RNF43: variants seen among roughly 807,000 people sequenced by gnomAD.
RNF43 encodes the protein ring finger protein 43.
In RNF43, 37 loss-of-function variants were observed where a neutral mutation model predicts 78.4. The ratio of observed to expected loss-of-function variants is 0.47; its 90% CI spans 0.36 to 0.62. RNF43 has a LOEUF of 0.62. RNF43 is among the 20% of genes least tolerant of loss of function. The pLI, the probability that RNF43 is intolerant of heterozygous loss-of-function variation, is 0.00. For synonymous variants in RNF43, 347 were observed against 395.0 expected (o/e 0.88, Z 1.44); for missense variants, 774 against 1,007.9 (o/e 0.77, Z 3.14).
chr17:58,395,820 C>A (rs1005146930), intron 2 of RNF43, among the ~76,000 whole-genome samples: 1 of 152,140 alleles, frequency 6.6e-6, no homozygotes, highest in Non-Finnish European at 1.5e-5. Context: ...AGCTGCCTCA[C>A]TATTAAGGAT....
chr17:58,403,648 T>C (rs866153756), intron 2 of RNF43, among the ~76,000 whole-genome samples: 1 of 152,194 alleles, frequency 6.6e-6, no homozygotes, highest in East Asian at 1.9e-4. Flanking sequence ...GAATACACAA[T>C]GCAGAAAGTC....
At chr17:58,410,194 T>C (rs1973999374) in intron 2 of RNF43, among the ~76,000 whole-genome samples, 1 of 152,214 alleles carries the variant, frequency 6.6e-6, no homozygotes, top group Non-Finnish European at 1.5e-5. Context: ...TATAAATCTG[T>C]TTGATGATAA....
chr17:58,387,582 C>G (rs917719399), intron 2 of RNF43, among the ~76,000 whole-genome samples: 6 of 151,918 alleles, frequency 3.9e-5, no homozygotes, highest in African/African-American at 1.2e-4. Flanking sequence ...ATCGCTTGAA[C>G]CTGGGAGGCA....
At chr17:58,353,368 CAG>C, downstream of RNF43, 1 of 204,152 alleles carries the variant, frequency 4.9e-6, no homozygotes, top group East Asian at 7.5e-5. Context: ...AAGCGAGGCA[CAG>C]AGTATTTGCC....
In RNF43 at chr17:58,354,693, C is replaced by G; in HGVS notation, c.*250G>C. ...AGCCCACACACGCCACAGGCAGCAG[C>G]TGGTTGCCTGGCTGGACATGGATTT... On this transcript the variant is annotated 3_prime_UTR_variant, in exon 10 of 10. Transcript: ENST00000407977. 1.8e-6 allele frequency: 1 copy of G among 544,254 alleles called. No individual in the cohort carries two copies. The highest frequency in any genetic ancestry group is 3.3e-6 in the Non-Finnish European group (1 of 298,878). 33.7% of individuals were successfully genotyped at this position (544,254 alleles called of 1,614,324 possible).
chr17:58,356,753 G>A (rs899432383), intron 9 of RNF43, among the ~76,000 whole-genome samples: 21 of 151,956 alleles, frequency 1.4e-4, no homozygotes, highest in Admixed American at 1.1e-3. Context: ...AGCTCCCCCC[G>A]AGGAACACTT....
rs72841012 is a variant in RNF43 at position 58,370,730 on chromosome 17, C to T, written c.375+181G>A. ...GTCAAAAAGTCCTGCTGGTGCTAGT[C>T]GGAGGAGAAAAAACAGAGGTGTGAA... On this transcript the variant is annotated intron_variant, in intron 3 of 9. Transcript: ENST00000407977. 1.7e-3 allele frequency among the ~76,000 whole-genome samples: 253 copies of T among 152,098 alleles called. 1 individual carries two copies. The highest frequency in any genetic ancestry group is 2.6e-3 in the Non-Finnish European group (176 of 67,986).
In RNF43 at chr17:58,360,690, G is replaced by T; in HGVS notation, c.849+93C>A. 1 of 1,340,706 alleles carries T rather than the reference G, an allele frequency of 7.5e-7. No homozygotes were observed. The highest frequency in any genetic ancestry group is 2.3e-5 in the Admixed American group (1 of 43,414). The allele number at this position is 1,340,706 out of a possible 1,614,324, so 83.1% of individuals were successfully genotyped here. A position where few individuals can be genotyped will look rare whatever the true frequency, so the allele number is the denominator to read the frequency against. ...ACACATGGGAAACAGATGTAGCCAG[G>T]GTACCCATACCAGCCCCTAGGCCTG... On this transcript the variant is annotated intron_variant, in intron 7 of 9. Transcript: ENST00000407977. The surrounding 1 kb of genome is among the most constrained non-coding windows in gnomAD (Gnocchi z 4.3).
rs186362096 is a variant in RNF43 at position 58,354,358 on chromosome 17, G to A, written c.*585C>T. ...CACACTATAGTGGGAAAGCTTCAGG[G>A]ACCCCTCCTTTTAGTGCTCAGGGCT... On this transcript the variant is annotated 3_prime_UTR_variant, in exon 10 of 10. Transcript: ENST00000407977. 4.8e-6 allele frequency: 1 copy of A among 209,470 alleles called. No homozygotes were observed. Among genetic ancestry groups the A allele is most frequent in the East Asian group, 7.3e-5 (1 of 13,660 alleles). The allele number at this position is 209,470 out of a possible 1,614,324, so 13.0% of individuals were successfully genotyped here.
chr17:58,398,238 C>T (rs35454383), intron 2 of RNF43, among the ~76,000 whole-genome samples: 23,682 of 152,166 alleles, frequency 0.16, 2,249 homozygotes, highest in Non-Finnish European at 0.2. Flanking sequence ...GGTGCACTTT[C>T]CTGCCTAAAT....
rs921464535 is a variant in RNF43 at position 58,415,891 on chromosome 17, T to C, written c.-314A>G. On this transcript the variant is annotated 5_prime_UTR_variant, in exon 2 of 10. Transcript: ENST00000407977. ...ATTTCCAACTTTGCTTGTGATTGAA[T>C]GTCACTTCGTGAATTTGTATTATGT... is the stretch of plus-strand genomic sequence containing the variant. 3.9e-5 allele frequency: 17 copies of C among 435,780 alleles called. No individual in the cohort carries two copies. The highest frequency in any genetic ancestry group is 7.2e-5 in the Non-Finnish European group (17 of 237,758). 27.0% of individuals were successfully genotyped at this position (435,780 alleles called of 1,614,324 possible). A position where few individuals can be genotyped will look rare whatever the true frequency, so the allele number is the denominator to read the frequency against.
intron 2 of RNF43, among the ~76,000 whole-genome samples, chr17:58,407,109 C>A (rs1973927705): frequency 9.0e-6 from 1 of 111,720 alleles, no homozygotes; most frequent in Non-Finnish European, 1.7e-5. Context: ...GACAGGGTCT[C>A]ATTCTGTCAC....
At chr17:58,370,780 T>C (rs1973076384) in intron 3 of RNF43, 131 bp downstream of exon 3, 3 of 1,065,084 alleles carry the variant, frequency 2.8e-6, no homozygotes, top group Non-Finnish European at 3.8e-6. Flanking sequence ...AGACCAGTCA[T>C]GGGTTAGGGA....
At chr17:58,363,898 G>A (rs1384479251) in intron 3 of RNF43, among the ~76,000 whole-genome samples, 1 of 152,212 alleles carries the variant, frequency 6.6e-6, no homozygotes, top group East Asian at 1.9e-4. Context: ...GCTCTAGGAT[G>A]AAAGACAAAT....
intron 1 of RNF43, chr17:58,416,512 C>G (rs2143701343): frequency 6.6e-6 from 1 of 152,296 alleles, no homozygotes; most frequent in Middle Eastern, 3.4e-3. Context: ...TATTCTCCAG[C>G]TCGGAAATGC....
chr17:58,410,149 T>C (rs1973998716), intron 2 of RNF43, among the ~76,000 whole-genome samples: 1 of 152,196 alleles, frequency 6.6e-6, no homozygotes, highest in African/African-American at 2.4e-5. Context: ...TTTTGTTGGA[T>C]ACAAATTTTT....
Position 58,358,500 on chromosome 17 carries a change from G to A in RNF43, c.1276C>T (p.Gln426Ter). 1.2e-6 allele frequency: 2 copies of A among 1,613,746 alleles called. No individual in the cohort carries two copies. The highest frequency in any genetic ancestry group is 1.7e-6 in the Non-Finnish European group (2 of 1,179,786). Residue 426 changes from glutamine (Q) to a stop codon, truncating the protein, a stop_gained, in exon 9 of 10, where the codon CAG becomes TAG. Transcript: ENST00000407977. LOFTEE classifies it high-confidence loss of function. This position sits in a 1 kb window ranked among gnomAD's most constrained non-coding sequence, Gnocchi z 6.2. ...GGCACTGGGCAAGCAGCAGGGTGCT[G>A]TGAGGTGGATTGGAGGTGGCTCAGT... ...WGLSHLQSTS[Q>*]HPAACPVPLR...
rs142097313 is a variant in RNF43 at position 58,357,806 on chromosome 17, C to G, written c.1970G>C (p.Arg657Pro). 2,044 of 1,614,144 alleles carry G rather than the reference C, an allele frequency of 1.3e-3. 43 individuals carry two copies. In the South Asian group the frequency reaches 0.02, roughly 16 times the overall value. Residue 657 changes from arginine (R) to proline (P), a missense_variant, in exon 9 of 10, where the codon CGG becomes CCG. Physicochemically the swap from Arg to Pro is moderately radical, Grantham distance 103. Transcript: ENST00000407977. The surrounding 1 kb of genome is among the most constrained non-coding windows in gnomAD (Gnocchi z 4.5). Reference protein sequence around the residue: ...LSARHPQRKRRGGPSEPTPGS... With the variant: ...LSARHPQRKRPGGPSEPTPGS... Reference sequence around the variant, plus strand: ...AGGGGTGGGCTCGGAGGGACCCCCCCGCCTTTTCCTCTGTGGGTGTCGGGC... The same window carrying G: ...AGGGGTGGGCTCGGAGGGACCCCCCGGCCTTTTCCTCTGTGGGTGTCGGGC...
At position 58,363,507 on chromosome 17, in the gene RNF43, C is replaced by A. The variant is rs143954546; in HGVS notation, c.450+19G>T. ...CTCCATCCAGCCCCCACCTTGAACA[C>A]GCAAATGTCCCTGGGTACCTGCTCA... is the stretch of plus-strand genomic sequence containing the variant. On this transcript the variant is annotated intron_variant, in intron 4 of 9. Transcript: ENST00000407977. The A allele has an allele frequency of 5.0e-6, 8 of 1,610,848 alleles. No homozygotes were observed. In the South Asian group the frequency reaches 7.7e-5, roughly 16 times the overall value.
Sources: gnomAD v4.1 joint callset for allele counts (sites outside exome capture counted in the v4.1 genomes callset) on GRCh38, gnomAD v4.1.1 for gene constraint, Gnocchi (gnomAD v3.1) non-coding constraint, MANE v1.5 for transcripts, NCBI Gene and HGNC (gene_info 2026-07-23, HGNC 2026-07-21) for gene names.